GNAQ: variants seen among roughly 807,000 people sequenced by gnomAD.
GNAQ encodes the protein guanine nucleotide-binding protein G(q) subunit alpha.
A neutral mutation model predicts 43.9 loss-of-function variants in GNAQ; 8 were observed. The observed-to-expected ratio is 0.18, with a 90% CI of 0.11 to 0.33. The LOEUF is 0.33. Among genes scored for constraint, GNAQ ranks in the 10% least tolerant of loss-of-function variants. The pLI is 1.00. For synonymous variants in GNAQ, 155 were observed against 170.7 expected (o/e 0.91, Z 0.71); for missense variants, 158 against 450.8 (o/e 0.35, Z 5.88).
intron 1 of GNAQ, among the ~76,000 whole-genome samples, chr9:77,992,608 T>C (rs1176832872): frequency 6.6e-6 from 1 of 152,074 alleles, no homozygotes; most frequent in Non-Finnish European, 1.5e-5. Flanking sequence ...AATAACTTAG[T>C]TTTTCTACAT....
At chr9:77,792,692 T>C (rs553564008) in intron 5 of GNAQ, among the ~76,000 whole-genome samples, 4 of 152,152 alleles carry the variant, frequency 2.6e-5, no homozygotes, top group Non-Finnish European at 5.9e-5. Flanking sequence ...TTCATATATA[T>C]ATAATGCATT....
At chr9:77,970,989 A>T (rs1009145156) in intron 1 of GNAQ, among the ~76,000 whole-genome samples, 1 of 152,194 alleles carries the variant, frequency 6.6e-6, no homozygotes, top group Non-Finnish European at 1.5e-5. Context: ...ATCAGAGAAT[A>T]CCATAAACCC....
chr9:77,892,863 G>T (rs1445184133), intron 2 of GNAQ, among the ~76,000 whole-genome samples: 1 of 152,130 alleles, frequency 6.6e-6, no homozygotes, highest in Non-Finnish European at 1.5e-5. Flanking sequence ...TGGTAAACAA[G>T]AAGCTCCTCA....
chr9:77,982,749 A>C (rs1256778290), intron 1 of GNAQ, among the ~76,000 whole-genome samples: 1 of 151,788 alleles, frequency 6.6e-6, no homozygotes, highest in Non-Finnish European at 1.5e-5. Context: ...AAAAAAAAAA[A>C]AAGTCAAAAC....
At chr9:77,839,679 C>T (rs142643168) in intron 2 of GNAQ, among the ~76,000 whole-genome samples, 3 of 152,272 alleles carry the variant, frequency 2.0e-5, no homozygotes, top group East Asian at 1.9e-4. Context: ...CTGGAGATAA[C>T]CAGAAGGGCA....
Position 77,976,972 on chromosome 9 carries a change from A to G in GNAQ, c.136+54128T>C, listed in dbSNP as rs540606208. ...AAGGCATATGACTTTGCAAGCATCAAGCACTAGACTATATTAACAGCAAAT... is the reference window on the plus strand; with the variant it reads ...AAGGCATATGACTTTGCAAGCATCAGGCACTAGACTATATTAACAGCAAAT... On this transcript the variant is annotated intron_variant, in intron 1 of 6. Transcript: ENST00000286548. Among the ~76,000 whole-genome samples the G allele has an allele frequency of 4.6e-5, 7 of 152,300 alleles. No homozygotes were observed. In the East Asian group the frequency reaches 1.4e-3, roughly 29 times the overall value.
At chr9:77,933,313 C>T (rs953344235) in intron 1 of GNAQ, among the ~76,000 whole-genome samples, 4 of 152,106 alleles carry the variant, frequency 2.6e-5, no homozygotes, top group African/African-American at 9.7e-5. Context: ...AGGTAAGAAA[C>T]TTGTTGGTCT....
At chr9:78,024,589 T>A (rs968987298) in intron 1 of GNAQ, among the ~76,000 whole-genome samples, 1 of 152,198 alleles carries the variant, frequency 6.6e-6, no homozygotes, top group Admixed American at 6.5e-5. Flanking sequence ...TCAGATTATT[T>A]TGTCTCTTTC....
chr9:77,927,110 T>C (rs576230924), intron 1 of GNAQ, among the ~76,000 whole-genome samples: 6 of 152,254 alleles, frequency 3.9e-5, no homozygotes, highest in Non-Finnish European at 5.9e-5. Context: ...AGGCCTTTTC[T>C]TCCCCCCAAG....
chr9:77,823,294 T>C (rs1827144413), intron 2 of GNAQ, among the ~76,000 whole-genome samples: 1 of 152,036 alleles, frequency 6.6e-6, no homozygotes, highest in Non-Finnish European at 1.5e-5. Context: ...CAAGGCCTGG[T>C]TTTTTTGTAG....
At chr9:77,992,636 C>G (rs1823522293) in intron 1 of GNAQ, among the ~76,000 whole-genome samples, 1 of 151,984 alleles carries the variant, frequency 6.6e-6, no homozygotes, top group South Asian at 2.1e-4. Flanking sequence ...GAAAAGCTAG[C>G]AGGTTTGAAA....
chr9:77,950,466 G>A (rs1357039037), intron 1 of GNAQ, among the ~76,000 whole-genome samples: 1 of 152,176 alleles, frequency 6.6e-6, no homozygotes, highest in African/African-American at 2.4e-5. Flanking sequence ...TCAGAATACA[G>A]CTACCTTCCC....
chr9:77,875,518 C>T (rs573539235), intron 2 of GNAQ, among the ~76,000 whole-genome samples: 9 of 152,244 alleles, frequency 5.9e-5, no homozygotes, highest in East Asian at 1.9e-4. Context: ...ATTTGCTTCA[C>T]GCAAATAAGA....
rs563521417 is a variant in GNAQ, at chr9:77,794,744, C to G, written c.606-152G>C. ...TCAATTAATACTTATTGAATAATTACTAATTTCTTATTACCTAATATTCAA... is the reference window on the plus strand; with the variant it reads ...TCAATTAATACTTATTGAATAATTAGTAATTTCTTATTACCTAATATTCAA... On this transcript the variant is annotated intron_variant, in intron 4 of 6. Coordinates refer to ENST00000286548, the MANE Select transcript of GNAQ (RefSeq NM_002072.5). 3 of 457,918 alleles carry G rather than the reference C, an allele frequency of 6.6e-6. No homozygotes were observed. In the East Asian group the frequency reaches 1.0e-4, roughly 16 times the overall value. The allele number at this position is 457,918 out of a possible 1,614,324, so 28.4% of individuals were successfully genotyped here.
chr9:77,961,514 G>A (rs1273984227), intron 1 of GNAQ, among the ~76,000 whole-genome samples: 1 of 152,196 alleles, frequency 6.6e-6, no homozygotes, highest in Non-Finnish European at 1.5e-5. Context: ...GGGTGAGAAA[G>A]AAACATGGGA....
At position 77,810,219 on chromosome 9, in the gene GNAQ, TATC is replaced by T. The variant is rs1564117278; in HGVS notation, c.476+5394_476+5396del. On this transcript the variant is annotated intron_variant, in intron 3 of 6. Transcript: ENST00000286548. ...AAAAACTGTCAATCATCTATCTATC[TATC>T]TATCTATCTATCTATCTATCTATCT... Among the ~76,000 whole-genome samples, 208 of 85,646 alleles carry T rather than the reference TATC, an allele frequency of 2.4e-3. 3 individuals are homozygous for T. Among genetic ancestry groups the T allele is most frequent in the Admixed American group, 0.021 (187 of 8,962 alleles). The allele number at this position is 85,646 out of a possible 152,430, so 56.2% of individuals were successfully genotyped here. A position where few individuals can be genotyped will look rare whatever the true frequency, so the allele number is the denominator to read the frequency against.
intron 5 of GNAQ, among the ~76,000 whole-genome samples, chr9:77,744,048 T>C (rs762639222): frequency 1.3e-5 from 2 of 152,238 alleles, no homozygotes; most frequent in African/African-American, 2.4e-5. Context: ...AAAGTACATT[T>C]TGAATGCACC....
chr9:77,989,102 T>C (rs1280209222), intron 1 of GNAQ, among the ~76,000 whole-genome samples: 5 of 152,224 alleles, frequency 3.3e-5, no homozygotes, highest in Non-Finnish European at 7.3e-5. Context: ...TTATCTTTAG[T>C]TCTTATTAGC....
At chr9:77,868,513 C>T (rs376076102) in intron 2 of GNAQ, among the ~76,000 whole-genome samples, 1 of 152,168 alleles carries the variant, frequency 6.6e-6, no homozygotes, top group African/African-American at 2.4e-5. Context: ...AATATGAATG[C>T]TTGGCCAGGA....
Sources: gnomAD v4.1 joint callset for allele counts (sites outside exome capture counted in the v4.1 genomes callset) on GRCh38, gnomAD v4.1.1 for gene constraint, MANE v1.5 for transcripts, NCBI Gene and HGNC (gene_info 2026-07-23, HGNC 2026-07-21) for gene names.